Variants in SLCO4C1 observed in about 807,000 individuals in gnomAD.
SLCO4C1 encodes organic anion transporter M1.
In SLCO4C1, 58 loss-of-function variants were observed where a neutral mutation model predicts 72.1. That is an observed-to-expected ratio of 0.80 (90% CI 0.65 to 1.00). The LOEUF (loss-of-function observed/expected upper bound fraction) is 1.00. Ranked by LOEUF, SLCO4C1 falls within the 50% of genes least tolerant of loss-of-function variation. SLCO4C1 has a pLI of 0.00. For missense variants in SLCO4C1, 898 were observed against 857.9 expected (o/e 1.05, Z -0.58); for synonymous variants, 297 against 312.5 (o/e 0.95, Z 0.52).
intron 2 of SLCO4C1, among the ~76,000 whole-genome samples, chr5:102,279,502 G>A: frequency 6.6e-6 from 1 of 151,824 alleles, no homozygotes; most frequent in Non-Finnish European, 1.5e-5. Flanking sequence ...AACATATAAA[G>A]AAAAATTAAA....
chr5:102,286,723 T>C (rs1461419072), intron 2 of SLCO4C1, among the ~76,000 whole-genome samples: 2 of 152,148 alleles, frequency 1.3e-5, no homozygotes, highest in South Asian at 4.1e-4. Flanking sequence ...TCACCTCTAA[T>C]GCTTATGTCT....
chr5:102,252,757 T>C (rs1183862632), intron 8 of SLCO4C1, among the ~76,000 whole-genome samples: 4 of 152,156 alleles, frequency 2.6e-5, no homozygotes, highest in African/African-American at 7.2e-5. Flanking sequence ...AGTCTACATA[T>C]TTTACAAAGG....
intron 8 of SLCO4C1, among the ~76,000 whole-genome samples, chr5:102,254,411 AT>A (rs1748796386): frequency 6.6e-6 from 1 of 152,138 alleles, no homozygotes; most frequent in Non-Finnish European, 1.5e-5. Context: ...AAACTTTTTC[AT>A]TATCATTTCT....
At chr5:102,277,554 T>C (rs1189638972) in intron 2 of SLCO4C1, among the ~76,000 whole-genome samples, 3 of 152,048 alleles carry the variant, frequency 2.0e-5, no homozygotes, top group Non-Finnish European at 4.4e-5. Context: ...CTTCTACCAT[T>C]CCCAGAGAGA....
intron 1 of SLCO4C1, among the ~76,000 whole-genome samples, chr5:102,292,793 T>C (rs1749580112): frequency 6.6e-6 from 1 of 152,068 alleles, no homozygotes; most frequent in Non-Finnish European, 1.5e-5. Context: ...AATTGAAAAT[T>C]TTAAAAATCT....
At chr5:102,247,481 T>A in intron 9 of SLCO4C1, 39 bp from the exon 10 acceptor site, 1 of 1,335,938 alleles carries the variant, frequency 7.5e-7, no homozygotes, top group Non-Finnish European at 1.0e-6. Flanking sequence ...AAGTGATCAT[T>A]TAGAAAATAA....
chr5:102,296,255 C>T lies in SLCO4C1; in HGVS notation c.8G>A (p.Ser3Asn). The part of the protein sequence containing the change: MK[S>N]AKGIENLAFV... ...AGCCAAGTTCTCAATACCTTTGGCG[C>T]TCTTCATGTCTGGATGGGTTCTCCC... The change falls in exon 1 of 13, where the codon AGC becomes AAC. Residue 3 changes from serine to asparagine, a missense_variant. Ser to Asn is a conservative substitution (Grantham distance 46, BLOSUM62 1). Transcript: ENST00000310954. 2 of 1,532,018 alleles carry T rather than the reference C, an allele frequency of 1.3e-6. No individual in the cohort carries two copies. Among genetic ancestry groups the T allele is most frequent in the Non-Finnish European group, 1.8e-6 (2 of 1,140,826 alleles). The allele number at this position is 1,532,018 out of a possible 1,614,324, so 94.9% of individuals were successfully genotyped here. A position where few individuals can be genotyped will look rare whatever the true frequency, so the allele number is the denominator to read the frequency against.
chr5:102,243,094 C>A (rs1387656732), intron 10 of SLCO4C1, among the ~76,000 whole-genome samples: 2 of 152,080 alleles, frequency 1.3e-5, no homozygotes, highest in Non-Finnish European at 2.9e-5. Flanking sequence ...GTTGGAGGGG[C>A]CTATGGGGTG....
At chr5:102,251,487 G>A (rs113520902) in intron 8 of SLCO4C1, among the ~76,000 whole-genome samples, 7 of 152,092 alleles carry the variant, frequency 4.6e-5, no homozygotes, top group African/African-American at 1.7e-4. Context: ...CTACTCAAGA[G>A]GCTTAGGCAG....
chr5:102,278,499 T>A (rs1399768871), intron 2 of SLCO4C1, among the ~76,000 whole-genome samples: 1 of 152,188 alleles, frequency 6.6e-6, no homozygotes, highest in African/African-American at 2.4e-5. Flanking sequence ...TAACCAACAT[T>A]TTTTAAGCAC....
intron 1 of SLCO4C1, 32 bp downstream of exon 1, chr5:102,295,876 G>A (rs773308384): frequency 1.9e-6 from 3 of 1,584,746 alleles, no homozygotes; most frequent in African/African-American, 1.3e-5. Context: ...GCTCTCCACT[G>A]GCCCGAGCCT....
chr5:102,286,138 C>T (rs1038834603), intron 2 of SLCO4C1, among the ~76,000 whole-genome samples: 1 of 150,816 alleles, frequency 6.6e-6, no homozygotes, highest in African/African-American at 2.4e-5. Flanking sequence ...TCTCAAATGC[C>T]AATAAAAAAA....
At chr5:102,289,044 G>A (rs149837545) in intron 2 of SLCO4C1, among the ~76,000 whole-genome samples, 149 of 152,292 alleles carry the variant, frequency 9.8e-4, no homozygotes, top group African/African-American at 3.4e-3. Flanking sequence ...AGGAGGGCAA[G>A]CTGAGTTTTT....
intron 4 of SLCO4C1, 66 bp downstream of exon 4, chr5:102,263,618 G>A: frequency 7.6e-7 from 1 of 1,319,280 alleles, no homozygotes; most frequent in Non-Finnish European, 1.1e-6. Context: ...AAAATGTTCT[G>A]TCTATGATGC....
rs1748432802 is a variant in SLCO4C1 at position 102,236,431 on chromosome 5, A to C, written c.*427T>G. ...AATGTTCTAAGCTCAAAATATTGAC[A>C]ATGAAAATTAAAATTAAACAAGTTG... On this transcript the variant is annotated 3_prime_UTR_variant, in exon 13 of 13. Transcript: ENST00000310954. 1 of 152,690 alleles carries C rather than the reference A, an allele frequency of 6.5e-6. No homozygotes were observed. The highest frequency in any genetic ancestry group is 2.4e-5 in the African/African-American group (1 of 41,470). 9.5% of individuals were successfully genotyped at this position (152,690 alleles called of 1,614,324 possible). A position where few individuals can be genotyped will look rare whatever the true frequency, so the allele number is the denominator to read the frequency against.
At chr5:102,280,792 GA>G (rs1749340246) in intron 2 of SLCO4C1, among the ~76,000 whole-genome samples, 1 of 152,026 alleles carries the variant, frequency 6.6e-6, no homozygotes, top group Admixed American at 6.6e-5. Flanking sequence ...CAGCATGGGG[GA>G]AACCACCCCC....
rs1443566770 is a variant in SLCO4C1, at chr5:102,236,579, TGC to T, written c.*277_*278del. Reference sequence around the variant, plus strand: ...GGAATAGGAAATAAGTGTGTATGTGTGCGTGTGTGTGTGTGTGTGTGTGTTCG... The same window carrying T: ...GGAATAGGAAATAAGTGTGTATGTGTGTGTGTGTGTGTGTGTGTGTGTTCG... On this transcript the variant is annotated 3_prime_UTR_variant, in exon 13 of 13. Coordinates refer to ENST00000310954, the MANE Select transcript of SLCO4C1 (RefSeq NM_180991.5). The T allele has an allele frequency of 1.4e-5, 3 of 218,722 alleles. No individual in the cohort carries two copies. Among genetic ancestry groups the T allele is most frequent in the African/African-American group, 4.0e-5 (1 of 25,260 alleles). 13.5% of individuals were successfully genotyped at this position (218,722 alleles called of 1,614,324 possible). A position where few individuals can be genotyped will look rare whatever the true frequency, so the allele number is the denominator to read the frequency against.
intron 2 of SLCO4C1, among the ~76,000 whole-genome samples, chr5:102,271,543 C>T (rs1749152744): frequency 6.6e-6 from 1 of 151,624 alleles, no homozygotes; most frequent in South Asian, 2.1e-4. Flanking sequence ...AATATGCAAT[C>T]CCACCAACAA....
rs1748701452 is a variant in SLCO4C1 at position 102,249,711 on chromosome 5, C to G, written c.1547G>C (p.Cys516Ser). Reference sequence around the variant, plus strand: ...AGAAAAATATTGGACTCCATCTCCACAGACAGGATAATAATATGATCGCGA... The same window carrying G: ...AGAAAAATATTGGACTCCATCTCCAGAGACAGGATAATAATATGATCGCGA... ...NCSRSYYYPV[C>S]GDGVQYFSPC... Residue 516 changes from cysteine (C) to serine (S), a missense_variant, in exon 9 of 13, where the codon TGT becomes TCT. Cys to Ser is a moderately radical substitution (Grantham distance 112). Transcript: ENST00000310954. 2 of 1,613,812 alleles carry G rather than the reference C, an allele frequency of 1.2e-6. No homozygotes were observed. The highest frequency in any genetic ancestry group is 2.7e-5 in the African/African-American group (2 of 74,892).
Sources: allele counts gnomAD v4.1 joint callset (sites outside exome capture counted in the v4.1 genomes callset), GRCh38; gene constraint gnomAD v4.1.1; transcripts MANE v1.5; gene names NCBI Gene and HGNC (gene_info 2026-07-23, HGNC 2026-07-21).